TBC1D1: variants seen among roughly 807,000 people sequenced by gnomAD.
TBC1D1 encodes the protein TBC1 (tre-2/USP6, BUB2, cdc16) domain family, member 1.
In TBC1D1, 89 loss-of-function variants were observed where a neutral mutation model predicts 125.6. The observed-to-expected ratio is 0.71, with a 90% CI of 0.60 to 0.85. TBC1D1 has a LOEUF of 0.85. Among genes scored for constraint, TBC1D1 ranks in the 40% least tolerant of loss-of-function variants. TBC1D1 has a pLI of 0.00. For missense variants in TBC1D1, 1,377 were observed against 1,469.2 expected, an observed-to-expected ratio of 0.94 and a Z score of 1.03; for synonymous variants, 565 against 564.1, an observed-to-expected ratio of 1.00 and a Z score of -0.02.
At chr4:38,052,975 T>G in intron 11 of TBC1D1, 131 bp from the exon 13 acceptor site, 2 of 584,988 alleles carry the variant, frequency 3.4e-6, no homozygotes, top group Non-Finnish European at 5.1e-6. Context: ...GTGAACTACT[T>G]TTAATTTCTT....
Position 37,995,097 on chromosome 4 carries a change from G to A in TBC1D1, c.418-19412G>A, listed in dbSNP as rs1392673691. ...TGTAGAATAGTAGAATTTGGAACTA[G>A]AAGTGATTTTAAGAGTACTGCAGTT... On this transcript the variant is annotated intron_variant, in intron 2 of 19. Transcript: ENST00000261439. The surrounding 1 kb of genome is among the most constrained non-coding windows in gnomAD (Gnocchi z 4.3). 6.6e-6 allele frequency among the ~76,000 whole-genome samples: 1 copy of A among 152,172 alleles called. No individual in the cohort carries two copies. Among genetic ancestry groups the A allele is most frequent in the African/African-American group, 2.4e-5 (1 of 41,420 alleles).
chr4:37,989,256 AACCTACAC>A (rs1736066204), intron 2 of TBC1D1, among the ~76,000 whole-genome samples: 1 of 152,178 alleles, frequency 6.6e-6, no homozygotes, highest in Non-Finnish European at 1.5e-5. Flanking sequence ...ACCTTGTCTT[AACCTACAC>A]ACTTATTTCT....
At chr4:38,051,233 C>T (rs910656653) in intron 11 of TBC1D1, among the ~76,000 whole-genome samples, 1 of 152,068 alleles carries the variant, frequency 6.6e-6, no homozygotes, top group African/African-American at 2.4e-5. Flanking sequence ...GTCACACATC[C>T]GTAATGGGAG....
chr4:37,958,971 C>T (rs1729438012), intron 2 of TBC1D1, among the ~76,000 whole-genome samples: 1 of 152,204 alleles, frequency 6.6e-6, no homozygotes, highest in Non-Finnish European at 1.5e-5. Flanking sequence ...CTGGGTGGCA[C>T]TTGAATTTAC....
intron 2 of TBC1D1, among the ~76,000 whole-genome samples, chr4:37,962,110 G>T (rs757262778): frequency 3.3e-5 from 5 of 152,182 alleles, no homozygotes; most frequent in Admixed American, 6.5e-5. Flanking sequence ...GTTCACTATG[G>T]TGTCCAAGTA....
chr4:37,975,688 C>T (rs1323448944), intron 2 of TBC1D1, among the ~76,000 whole-genome samples: 1 of 152,196 alleles, frequency 6.6e-6, no homozygotes, highest in Non-Finnish European at 1.5e-5. Flanking sequence ...GCACTCTTGT[C>T]TTCTGGTCAC....
At chr4:37,962,444 G>A (rs1300341524) in intron 2 of TBC1D1, among the ~76,000 whole-genome samples, 1 of 152,192 alleles carries the variant, frequency 6.6e-6, no homozygotes, top group East Asian at 1.9e-4. Flanking sequence ...TCTGTTTAAT[G>A]GATATGCAAC....
intron 2 of TBC1D1, among the ~76,000 whole-genome samples, chr4:37,993,469 G>A (rs963570105): frequency 2.0e-5 from 3 of 152,160 alleles, no homozygotes; most frequent in Admixed American, 2.0e-4. Flanking sequence ...TTGGTAGATG[G>A]AGTTCTTGTT....
At chr4:38,043,199 G>C (rs1277232509) in intron 8 of TBC1D1, among the ~76,000 whole-genome samples, 2 of 151,944 alleles carry the variant, frequency 1.3e-5, no homozygotes, top group Non-Finnish European at 2.9e-5. Context: ...ACTGCGCCTG[G>C]CCGTTTTTTT....
At chr4:38,008,101 G>A (rs1201118385) in intron 2 of TBC1D1, among the ~76,000 whole-genome samples, 6 of 152,242 alleles carry the variant, frequency 3.9e-5, no homozygotes, top group Non-Finnish European at 7.3e-5. Context: ...AGTGCTTTCA[G>A]TGAAGGGGCT....
intron 12 of TBC1D1, among the ~76,000 whole-genome samples, chr4:38,061,632 T>C (rs1752790441): frequency 6.6e-6 from 1 of 152,212 alleles, no homozygotes; most frequent in Non-Finnish European, 1.5e-5. Flanking sequence ...TAAGAAATAG[T>C]CCAGTGAAAC....
chr4:38,115,279 C>T (rs1762802494), intron 15 of TBC1D1, among the ~76,000 whole-genome samples: 1 of 151,770 alleles, frequency 6.6e-6, no homozygotes, highest in African/African-American at 2.4e-5. Context: ...TTTTTCTATT[C>T]TTAGTAGCGA....
intron 15 of TBC1D1, among the ~76,000 whole-genome samples, chr4:38,107,084 A>C (rs1761436303): frequency 6.6e-6 from 1 of 151,916 alleles, no homozygotes; most frequent in African/African-American, 2.4e-5. Context: ...CGAGGGCCTG[A>C]GAGGACCTCC....
intron 3 of TBC1D1, among the ~76,000 whole-genome samples, chr4:38,016,896 G>C (rs933638798): frequency 6.6e-6 from 1 of 152,238 alleles, no homozygotes; most frequent in Non-Finnish European, 1.5e-5. Context: ...TGGCTACAGA[G>C]CCAGGATACT....
intron 12 of TBC1D1, chr4:38,060,616 T>G: frequency 7.8e-7 from 1 of 1,289,230 alleles, no homozygotes; most frequent in Non-Finnish European, 1.0e-6. Flanking sequence ...TCTCTCTTTT[T>G]CAGAACCTCA....
At chr4:38,010,909 C>G (rs1479657731) in intron 2 of TBC1D1, among the ~76,000 whole-genome samples, 1 of 152,184 alleles carries the variant, frequency 6.6e-6, no homozygotes, top group Non-Finnish European at 1.5e-5. Context: ...GCTCTGGCAT[C>G]TAGAGATGCC....
chr4:38,111,117 GC>G (rs1426127933), intron 15 of TBC1D1, among the ~76,000 whole-genome samples: 1 of 152,230 alleles, frequency 6.6e-6, no homozygotes, highest in Non-Finnish European at 1.5e-5. Context: ...ATCAGCACTA[GC>G]TTAGTACCTC....
At chr4:38,052,728 G>GCGCACACACACACA (rs1491148206) in intron 11 of TBC1D1, among the ~76,000 whole-genome samples, 30 of 118,274 alleles carry the variant, frequency 2.5e-4, no homozygotes, top group African/African-American at 9.4e-4. Flanking sequence ...GCGCGCGCGC[G>GCGCACACACACACA]CACACACACA....
chr4:38,119,907 C>T, intron 17 of TBC1D1: 1 of 984,694 alleles, frequency 1.0e-6, no homozygotes, highest in Non-Finnish European at 1.2e-6. Flanking sequence ...GCCCTGGGGC[C>T]CCAGGCACTG....
Sources: allele counts gnomAD v4.1 joint callset (sites outside exome capture counted in the v4.1 genomes callset), GRCh38; gene constraint gnomAD v4.1.1; non-coding constraint Gnocchi (gnomAD v3.1); transcripts MANE v1.5; gene names NCBI Gene and HGNC (gene_info 2026-07-23, HGNC 2026-07-21).